Variants in TENT4B observed in about 807,000 individuals in gnomAD.
TENT4B encodes PAP associated domain containing 5.
In TENT4B, 10 loss-of-function variants were observed where a neutral mutation model predicts 75.0. The ratio of observed to expected loss-of-function variants is 0.13; its 90% CI spans 0.08 to 0.23. TENT4B has a LOEUF of 0.23. Among genes scored for constraint, TENT4B ranks in the 10% least tolerant of loss-of-function variants. The pLI, the probability that TENT4B is intolerant of heterozygous loss-of-function variation, is 1.00. For synonymous variants in TENT4B, 350 were observed against 357.7 expected, an observed-to-expected ratio of 0.98 and a Z score of 0.24; for missense variants, 579 against 893.8, an observed-to-expected ratio of 0.65 and a Z score of 4.49.
At chr16:50,195,436 T>G (rs1244465078) in intron 1 of TENT4B, among the ~76,000 whole-genome samples, 1 of 152,098 alleles carries the variant, frequency 6.6e-6, no homozygotes. Flanking sequence ...TTAAGCGGAA[T>G]GAAAACTGAA....
At position 50,153,516 on chromosome 16, in the gene TENT4B, A is replaced by AGCG. The variant is rs1555506601; in HGVS notation, c.-103_-101dup. ...CAGCAGCAGCAGCAGCAGCGGCAGC[A>AGCG]GCGGCAGCAGCAGCAGCAGCCGAGG... On this transcript the variant is annotated 5_prime_UTR_variant, in exon 1 of 12. Coordinates refer to ENST00000561678, the MANE Select transcript of TENT4B (RefSeq NM_001365324.3). The AGCG allele has an allele frequency of 1.8e-4, 158 of 855,168 alleles. No individual in the cohort carries two copies. The African/African-American group carries it at 1.9e-3, about 10-fold the overall frequency. The allele number at this position is 855,168 out of a possible 1,614,324, so 53.0% of individuals were successfully genotyped here. A position where few individuals can be genotyped will look rare whatever the true frequency, so the allele number is the denominator to read the frequency against.
At chr16:50,217,453 C>A in intron 4 of TENT4B, 103 bp from the exon 5 acceptor site, 1 of 622,880 alleles carries the variant, frequency 1.6e-6, no homozygotes, top group Non-Finnish European at 2.8e-6. Flanking sequence ...TTCTTATGCT[C>A]TCATGAGATG....
At chr16:50,211,552 T>G in intron 2 of TENT4B, 106 bp downstream of exon 2, 1 of 1,281,212 alleles carries the variant, frequency 7.8e-7, no homozygotes, top group Non-Finnish European at 1.0e-6. Context: ...GTAGAAGTGC[T>G]CTGTAGAGTT....
At chr16:50,217,179 TAATA>T (rs1382652700) in intron 4 of TENT4B, among the ~76,000 whole-genome samples, 1 of 152,232 alleles carries the variant, frequency 6.6e-6, no homozygotes, top group African/African-American at 2.4e-5. Flanking sequence ...ATATGTCAAC[TAATA>T]AATGAGATGA....
At chr16:50,153,092 G>C (rs1191177324), upstream of TENT4B, 31 of 1,325,522 alleles carry the variant, frequency 2.3e-5, no homozygotes, top group Non-Finnish European at 2.9e-5. Flanking sequence ...TTGCGGCCCC[G>C]TCGCGCCGCG....
intron 6 of TENT4B, 42 bp downstream of exon 6, chr16:50,222,476 A>G (rs1350914408): frequency 3.8e-6 from 6 of 1,583,086 alleles, no homozygotes; most frequent in Non-Finnish European, 5.1e-6. Flanking sequence ...CACTAAAAGC[A>G]AAAGTGATCA....
In TENT4B at chr16:50,206,019, A is replaced by G. The variant is rs559228706; in HGVS notation, c.639-5304A>G. On this transcript the variant is annotated intron_variant, in intron 1 of 11. Transcript: ENST00000561678. ...TTATTTTTTTAAGAGGTTATTGGCT[A>G]TAAAGGGAAAGTGCTTTATGGGTGC... is the stretch of plus-strand genomic sequence containing the variant. 2.6e-5 allele frequency among the ~76,000 whole-genome samples: 4 copies of G among 152,258 alleles called. No individual in the cohort carries two copies. The South Asian group carries it at 8.3e-4, about 32-fold the overall frequency.
chr16:50,223,502 C>A, intron 7 of TENT4B, 115 bp downstream of exon 7: 1 of 694,562 alleles, frequency 1.4e-6, no homozygotes, highest in Non-Finnish European at 2.3e-6. Flanking sequence ...AATTGTTATT[C>A]TTTTTTCATC....
chr16:50,223,802 G>A (rs1187986648), intron 7 of TENT4B, among the ~76,000 whole-genome samples: 1 of 152,162 alleles, frequency 6.6e-6, no homozygotes, highest in East Asian at 1.9e-4. Flanking sequence ...ATGAGCAGAA[G>A]GGTGCAAGGA....
intron 1 of TENT4B, among the ~76,000 whole-genome samples, chr16:50,195,137 T>C (rs547546884): frequency 6.6e-6 from 1 of 152,314 alleles, no homozygotes; most frequent in African/African-American, 2.4e-5. Context: ...TTATTTCCCA[T>C]AAACATTTTT....
chr16:50,153,099 C>T, upstream of TENT4B: 3 of 1,299,490 alleles, frequency 2.3e-6, no homozygotes, highest in African/African-American at 3.1e-5. Context: ...CCCGTCGCGC[C>T]GCGGCCTCTG....
intron 1 of TENT4B, among the ~76,000 whole-genome samples, chr16:50,164,489 A>G (rs914580514): frequency 6.6e-6 from 1 of 151,772 alleles, no homozygotes; most frequent in Non-Finnish European, 1.5e-5. Flanking sequence ...TTGTATTTTT[A>G]GTGGAGACGA....
chr16:50,214,835 T>A (rs759844414), intron 3 of TENT4B, among the ~76,000 whole-genome samples: 1 of 152,136 alleles, frequency 6.6e-6, no homozygotes, highest in Non-Finnish European at 1.5e-5. Flanking sequence ...CCTGGCAGAG[T>A]ATTGCTCAGT....
At chr16:50,227,462 C>CAA (rs901979500) in intron 10 of TENT4B, among the ~76,000 whole-genome samples, 4 of 152,004 alleles carry the variant, frequency 2.6e-5, no homozygotes, top group African/African-American at 9.6e-5. Context: ...CACAGACTCT[C>CAA]AGAGATTGAA....
intron 1 of TENT4B, among the ~76,000 whole-genome samples, chr16:50,176,167 A>G (rs919481728): frequency 1.1e-4 from 16 of 151,268 alleles, no homozygotes; most frequent in African/African-American, 2.2e-4. Flanking sequence ...GCTCACTGCA[A>G]CCTCTGCCTC....
intron 2 of TENT4B, among the ~76,000 whole-genome samples, chr16:50,212,087 G>T (rs1029215328): frequency 6.6e-6 from 1 of 151,974 alleles, no homozygotes; most frequent in Non-Finnish European, 1.5e-5. Flanking sequence ...TTGAGATGGG[G>T]TCTCACTCTG....
At position 50,231,395 on chromosome 16, in the gene TENT4B, G is replaced by T; in HGVS notation, c.*2067G>T. The T allele has an allele frequency of 1.0e-5, 10 of 982,992 alleles. No individual in the cohort carries two copies. Among genetic ancestry groups the T allele is most frequent in the Non-Finnish European group, 1.2e-5 (10 of 827,430 alleles). 60.9% of individuals were successfully genotyped at this position (982,992 alleles called of 1,614,324 possible). On this transcript the variant is annotated 3_prime_UTR_variant, in exon 12 of 12. Coordinates refer to ENST00000561678, the MANE Select transcript of TENT4B (RefSeq NM_001365324.3). Reference sequence around the variant, plus strand: ...AATAATATTAAATCCAGTATTAGCTGCCTATTTCAGACACTTAATACTTGC... The same window carrying T: ...AATAATATTAAATCCAGTATTAGCTTCCTATTTCAGACACTTAATACTTGC...
chr16:50,153,793 G>A lies in TENT4B; in HGVS notation c.172G>A (p.Ala58Thr). The A allele has an allele frequency of 1.7e-6, 2 of 1,194,240 alleles. No individual in the cohort carries two copies. The allele number at this position is 1,194,240 out of a possible 1,614,324, so 74.0% of individuals were successfully genotyped here. ...CGGCAGCAGCAGCAGCAGCAGCACG[G>A]CCACCGGCGGGAGCGGCAGCAGCAC... ...GGGSSSSSST[A>T]TGGSGSSTGS... is the part of the protein sequence containing the mutation. Residue 58 changes from alanine to threonine, a missense_variant, in exon 1 of 12, where the codon GCC becomes ACC. By Grantham distance (58) the Ala-to-Thr change is moderately conservative (BLOSUM62 0). This residue lies in a region of TENT4B where 253 missense variants were observed against 270.1 expected (regional missense o/e 0.94). Transcript: ENST00000561678.
At chr16:50,162,625 T>G (rs2049541492) in intron 1 of TENT4B, among the ~76,000 whole-genome samples, 1 of 152,208 alleles carries the variant, frequency 6.6e-6, no homozygotes, top group South Asian at 2.1e-4. Flanking sequence ...GAAAAATCTC[T>G]AAAATTGTGA....
Sources: allele counts gnomAD v4.1 joint callset (sites outside exome capture counted in the v4.1 genomes callset), GRCh38; gene constraint gnomAD v4.1.1; regional missense constraint gnomAD v4.1.1; transcripts MANE v1.5; gene names NCBI Gene and HGNC (gene_info 2026-07-23, HGNC 2026-07-21).